The following TSG101 variants were observed in gnomAD, a reference collection of about 807,000 sequenced individuals.
TSG101 encodes tumor susceptibility 101.
Under a neutral mutation model 48.5 loss-of-function variants are expected in TSG101, and 19 were observed. The observed-to-expected ratio is 0.39, with a 90% CI of 0.27 to 0.58. TSG101 has a LOEUF of 0.58. TSG101 is among the 20% of genes least tolerant of loss of function. The probability of loss-of-function intolerance (pLI) is 0.55; values close to 1 mark genes in which losing one functional copy is unlikely to be tolerated. For missense variants in TSG101, 365 were observed against 484.4 expected, an observed-to-expected ratio of 0.75 and a Z score of 2.31; for synonymous variants, 174 against 169.4, an observed-to-expected ratio of 1.03 and a Z score of -0.21.
At chr11:18,517,955 C>T (rs1214005790) in intron 2 of TSG101, among the ~76,000 whole-genome samples, 1 of 152,192 alleles carries the variant, frequency 6.6e-6, no homozygotes, top group Non-Finnish European at 1.5e-5. Flanking sequence ...TATTTGTTAA[C>T]AATGATTTAC....
chr11:18,480,575 T>C lies in TSG101; in HGVS notation c.1144A>G (p.Lys382Glu), dbSNP rs1178478105. The part of the protein sequence containing the change: ...QLRALMQKAR[K>E]TAGLSDLY ...TAGAGGTCACTGAGACCGGCAGTCTTTCTTGCTTTTTGCATTAGTGCCCTC... is the reference window on the plus strand; with the variant it reads ...TAGAGGTCACTGAGACCGGCAGTCTCTCTTGCTTTTTGCATTAGTGCCCTC... Residue 382 changes from lysine to glutamate, a missense_variant, in exon 10 of 10, where the codon AAG becomes GAG. By Grantham distance (56) the Lys-to-Glu change is moderately conservative (BLOSUM62 1). Transcript: ENST00000251968. 1 of 1,613,972 alleles carries C rather than the reference T, an allele frequency of 6.2e-7. No homozygotes were observed. The highest frequency in any genetic ancestry group is 8.5e-7 in the Non-Finnish European group (1 of 1,179,956).
chr11:18,501,153 G>T (rs1347400560), intron 7 of TSG101, among the ~76,000 whole-genome samples: 1 of 152,116 alleles, frequency 6.6e-6, no homozygotes, highest in African/African-American at 2.4e-5. Flanking sequence ...TATTTTTGTT[G>T]ACTATGCTTT....
At chr11:18,510,156 C>T (rs1850054217) in intron 4 of TSG101, among the ~76,000 whole-genome samples, 1 of 152,132 alleles carries the variant, frequency 6.6e-6, no homozygotes, top group South Asian at 2.1e-4. Flanking sequence ...TGAGGTGGTT[C>T]ACACCTGTAA....
intron 7 of TSG101, among the ~76,000 whole-genome samples, chr11:18,499,805 G>A (rs1001573216): frequency 6.6e-6 from 1 of 151,880 alleles, no homozygotes; most frequent in Non-Finnish European, 1.5e-5. Context: ...TTCAAGTGAG[G>A]GTATTTAGGG....
intron 2 of TSG101, among the ~76,000 whole-genome samples, chr11:18,518,487 T>C (rs1019391612): frequency 2.6e-5 from 4 of 152,172 alleles, no homozygotes; most frequent in Admixed American, 1.3e-4. Flanking sequence ...TATGTTAGGA[T>C]TTGGTAGGGA....
chr11:18,492,059 G>T (rs1849706699), intron 7 of TSG101, among the ~76,000 whole-genome samples: 1 of 152,188 alleles, frequency 6.6e-6, no homozygotes, highest in Admixed American at 6.5e-5. Flanking sequence ...CAAGAGTTTG[G>T]TTTAGAATTT....
chr11:18,500,571 C>T (rs1455954169), intron 7 of TSG101, among the ~76,000 whole-genome samples: 1 of 152,004 alleles, frequency 6.6e-6, no homozygotes, highest in Non-Finnish European at 1.5e-5. Context: ...CTGCATTTTC[C>T]TGATGATGAG....
chr11:18,500,383 G>C (rs1849869433), intron 7 of TSG101, among the ~76,000 whole-genome samples: 1 of 152,026 alleles, frequency 6.6e-6, no homozygotes, highest in East Asian at 1.9e-4. Flanking sequence ...TCTAATTTTA[G>C]TTTTTTTAGA....
intron 7 of TSG101, among the ~76,000 whole-genome samples, chr11:18,491,616 G>T (rs1476104548): frequency 2.6e-5 from 4 of 152,188 alleles, no homozygotes; most frequent in Non-Finnish European, 1.5e-5. Flanking sequence ...AGTCATAACT[G>T]TGAGTATAAT....
rs543506105 is a variant in TSG101 at position 18,483,886 on chromosome 11, C to T, written c.827G>A (p.Arg276His). The stretch of plus-strand genomic sequence containing the variant: ...GTCACTTACTACTTCTTGATCTAAA[C>T]GGGTAACCATCTCTTCCAGTTTCTG... ...GHQKLEEMVTRLDQEVAEVDK... is the reference protein window; with the variant it reads ...GHQKLEEMVTHLDQEVAEVDK... Residue 276 changes from arginine to histidine, a missense_variant, in exon 8 of 10, where the codon CGT becomes CAT. Coordinates refer to ENST00000251968, the MANE Select transcript of TSG101 (RefSeq NM_006292.4). 197 of 1,613,998 alleles carry T rather than the reference C, an allele frequency of 1.2e-4. No individual in the cohort carries two copies. The highest frequency in any genetic ancestry group is 9.6e-4 in the South Asian group (87 of 91,086).
intron 4 of TSG101, among the ~76,000 whole-genome samples, chr11:18,513,795 C>A (rs184869475): frequency 2.0e-5 from 3 of 152,256 alleles, no homozygotes; most frequent in Admixed American, 2.0e-4. Context: ...AGTAAGTAGG[C>A]TGGGCATGGT....
intron 7 of TSG101, among the ~76,000 whole-genome samples, chr11:18,498,433 G>T (rs1849817305): frequency 6.6e-6 from 1 of 152,136 alleles, no homozygotes; most frequent in Admixed American, 6.6e-5. Context: ...AATTAGATGA[G>T]CCATAATGGT....
intron 9 of TSG101, chr11:18,481,375 G>C: frequency 8.0e-7 from 1 of 1,257,618 alleles, no homozygotes; most frequent in Non-Finnish European, 1.0e-6. Flanking sequence ...GCACAGAAGA[G>C]TTACACTCAT....
intron 4 of TSG101, among the ~76,000 whole-genome samples, chr11:18,514,375 A>G (rs1850135643): frequency 6.6e-6 from 1 of 152,224 alleles, no homozygotes; most frequent in South Asian, 2.1e-4. Context: ...GAATTCCATA[A>G]CTACCTCACC....
At chr11:18,487,979 G>A (rs932767897) in intron 7 of TSG101, among the ~76,000 whole-genome samples, 9 of 152,068 alleles carry the variant, frequency 5.9e-5, no homozygotes, top group Non-Finnish European at 1.2e-4. Context: ...AACTGGAACT[G>A]TTTAAAAGAC....
rs192029336 is a variant in TSG101 at position 18,491,263 on chromosome 11, A to G, written c.641-7191T>C. 7.8e-4 allele frequency among the ~76,000 whole-genome samples: 118 copies of G among 152,200 alleles called. 1 individual carries two copies. Among genetic ancestry groups the G allele is most frequent in the Middle Eastern group, 6.8e-3 (2 of 294 alleles). ...TTCCTGACTAATTAGAGTGTTCTTT[A>G]TCTACACCAGACAGTCTAACAGTGT... On this transcript the variant is annotated intron_variant, in intron 7 of 9. Coordinates refer to ENST00000251968, the MANE Select transcript of TSG101 (RefSeq NM_006292.4).
chr11:18,486,575 C>T (rs1304407276), intron 7 of TSG101, among the ~76,000 whole-genome samples: 1 of 152,094 alleles, frequency 6.6e-6, no homozygotes, highest in African/African-American at 2.4e-5. Context: ...GAGATACCAT[C>T]TCACACCAGT....
At chr11:18,485,015 T>C (rs1849600024) in intron 7 of TSG101, among the ~76,000 whole-genome samples, 1 of 134,232 alleles carries the variant, frequency 7.4e-6, no homozygotes, top group African/African-American at 2.8e-5. Context: ...CTCGGCTCAC[T>C]GCAACCTCTG....
At chr11:18,513,657 T>C (rs1850123708) in intron 4 of TSG101, among the ~76,000 whole-genome samples, 1 of 152,270 alleles carries the variant, frequency 6.6e-6, no homozygotes, top group Non-Finnish European at 1.5e-5. Context: ...CCTAGTTACT[T>C]TGGTAGACAG....
Sources: allele counts gnomAD v4.1 joint callset (sites outside exome capture counted in the v4.1 genomes callset), GRCh38; gene constraint gnomAD v4.1.1; transcripts MANE v1.5; gene names NCBI Gene and HGNC (gene_info 2026-07-23, HGNC 2026-07-21).